Variants in H1-5 observed in about 807,000 individuals in gnomAD.
H1-5 encodes histone H1.5.
Under a neutral mutation model 4.6 loss-of-function variants are expected in H1-5, and 3 were observed. That is an observed-to-expected ratio of 0.65 (90% CI 0.30 to 1.68). The LOEUF is 1.68. Among genes scored for constraint, H1-5 ranks in the 40% most tolerant of loss-of-function variants. The probability of loss-of-function intolerance (pLI) is 0.10; values close to 1 mark genes in which losing one functional copy is unlikely to be tolerated. For missense variants in H1-5, 521 were observed against 287.9 expected (o/e 1.81, Z -5.86); for synonymous variants, 250 against 123.4 (o/e 2.03, Z -6.80).
chr6:27,867,066 GTCT>G lies in H1-5; in HGVS notation c.461_463del (p.Lys154del), dbSNP rs745567232. ...CGCGGGCTTCTTCGCCTTCTTCGGA[GTCT>G]TCTTCACTGCCTTTTTCGCCCCTGC... On this transcript the variant is annotated inframe_deletion, in exon 1 of 1. Transcript: ENST00000331442. 34 of 1,613,652 alleles carry G rather than the reference GTCT, an allele frequency of 2.1e-5. No homozygotes were observed. The East Asian group carries it at 2.9e-4, about 14-fold the overall frequency.
At position 27,866,803 on chromosome 6, in the gene H1-5, G is replaced by T. The variant is rs1761517909; in HGVS notation, c.*46C>A. 3 of 1,488,726 alleles carry T rather than the reference G, an allele frequency of 2.0e-6. No individual in the cohort carries two copies. The highest frequency in any genetic ancestry group is 1.3e-5 in the South Asian group (1 of 75,502). 92.2% of individuals were successfully genotyped at this position (1,488,726 alleles called of 1,614,324 possible). A position where few individuals can be genotyped will look rare whatever the true frequency, so the allele number is the denominator to read the frequency against. On this transcript the variant is annotated 3_prime_UTR_variant, in exon 1 of 1. Transcript: ENST00000331442. ...TTTTTAGAGGTCTCTGGGTGGCTCT[G>T]AAAAGAGCCTTTGGGGCTTTGTTGC...
In H1-5 at chr6:27,867,085, T is replaced by G; in HGVS notation, c.445A>C (p.Lys149Gln). ...TTCGGAGTCTTCTTCACTGCCTTTT[T>G]CGCCCCTGCAGCCTTCTTGGCCTTC... The part of the protein sequence containing the change: ...PKKAKKAAGA[K>Q]KAVKKTPKKA... Residue 149 changes from lysine (K) to glutamine (Q), a missense_variant, in exon 1 of 1, where the codon AAA (lysine) becomes CAA (glutamine). By Grantham distance (53) the Lys-to-Gln change is moderately conservative. Coordinates refer to ENST00000331442, the MANE Select transcript of H1-5 (RefSeq NM_005322.3). 6.2e-7 allele frequency: 1 copy of G among 1,613,828 alleles called. No individual in the cohort carries two copies. The highest frequency in any genetic ancestry group is 8.5e-7 in the Non-Finnish European group (1 of 1,179,880).
rs1423795272 is a variant in H1-5 at position 27,867,362 on chromosome 6, C to T, written c.168G>A (p.Glu56=). The change falls in exon 1 of 1, where the codon GAG becomes GAA. Residue 56 remains glutamate, a synonymous_variant. Transcript: ENST00000331442. The part of the protein sequence containing the change: ...LITKAVAASK[E]RNGLSLAALK... ...GGGCTGCCAAAGAAAGGCCATTGCG[C>T]TCCTTAGAAGCAGCCACAGCCTTGG... is the stretch of plus-strand genomic sequence containing the variant. 6.2e-7 allele frequency: 1 copy of T among 1,614,254 alleles called. No individual in the cohort carries two copies. The highest frequency in any genetic ancestry group is 1.7e-5 in the Admixed American group (1 of 60,032).
chr6:27,867,577 A>C lies in H1-5; in HGVS notation c.-48T>G, dbSNP rs745593121. ...AGAATAAGCTCGAAATCTAAAGAGC[A>C]GGTTTTGCGTTGCTGCTATGCTCGG... On this transcript the variant is annotated 5_prime_UTR_variant, in exon 1 of 1. Transcript: ENST00000331442. The C allele has an allele frequency of 1.3e-6, 2 of 1,497,588 alleles. No individual in the cohort carries two copies. Among genetic ancestry groups the C allele is most frequent in the South Asian group, 2.7e-5 (2 of 73,020 alleles). 92.8% of individuals were successfully genotyped at this position (1,497,588 alleles called of 1,614,324 possible). A position where few individuals can be genotyped will look rare whatever the true frequency, so the allele number is the denominator to read the frequency against.
chr6:27,867,430 C>T lies in H1-5; in HGVS notation c.100G>A (p.Ala34Thr). ...ATKKAAGAGAAKRKATGPPVS... is the reference protein window; with the variant it reads ...ATKKAAGAGATKRKATGPPVS... ...GGGGGCCCCGTCGCTTTGCGCTTAG[C>T]AGCGCCGGCGCCGGCAGCCTTCTTA... is the stretch of plus-strand genomic sequence containing the variant. The change falls in exon 1 of 1, where the codon GCT (alanine) becomes ACT (threonine). Residue 34 changes from alanine (A) to threonine (T), a missense_variant. Ala to Thr is a moderately conservative substitution (Grantham distance 58). Transcript: ENST00000331442. 6.2e-7 allele frequency: 1 copy of T among 1,610,158 alleles called. No homozygotes were observed. Among genetic ancestry groups the T allele is most frequent in the South Asian group, 1.1e-5 (1 of 90,804 alleles).
Position 27,867,209 on chromosome 6 carries a change from G to C in H1-5, c.321C>G (p.Ser107=), listed in dbSNP as rs1761533056. Reference sequence around the variant, plus strand: ...AGGCCGCCTTCTTGTTGAGTTTAAAGGAGCCAGAAGCACCAGTGCCCTTGG... The same window carrying C: ...AGGCCGCCTTCTTGTTGAGTTTAAACGAGCCAGAAGCACCAGTGCCCTTGG... ...VQTKGTGASG[S]FKLNKKAASG... is the part of the protein sequence containing the mutation. Residue 107 remains serine (S), a synonymous_variant, in exon 1 of 1, where the codon TCC becomes TCG. Coordinates refer to ENST00000331442, the MANE Select transcript of H1-5 (RefSeq NM_005322.3). 3 of 1,614,242 alleles carry C rather than the reference G, an allele frequency of 1.9e-6. No individual in the cohort carries two copies. The highest frequency in any genetic ancestry group is 8.5e-7 in the Non-Finnish European group (1 of 1,180,044).
chr6:27,867,509 G>A lies in H1-5; in HGVS notation c.21C>T (p.Ala7=), dbSNP rs771909228. Reference sequence around the variant, plus strand: ...CCACCGGCGCTGGGGTGGCTGTCTCGGCAGGAGCGGTTTCCGACATGGTGG... The same window carrying A: ...CCACCGGCGCTGGGGTGGCTGTCTCAGCAGGAGCGGTTTCCGACATGGTGG... MSETAP[A]ETATPAPVEK... Residue 7 remains alanine (A), a synonymous_variant, in exon 1 of 1, where the codon GCC becomes GCT. Transcript: ENST00000331442. The A allele has an allele frequency of 9.7e-6, 15 of 1,551,880 alleles. No homozygotes were observed. The highest frequency in any genetic ancestry group is 1.2e-5 in the South Asian group (1 of 80,876).
chr6:27,867,029 G>A lies in H1-5; in HGVS notation c.501C>T (p.Val167=). 3 of 1,613,904 alleles carry A rather than the reference G, an allele frequency of 1.9e-6. No homozygotes were observed. Among genetic ancestry groups the A allele is most frequent in the South Asian group, 2.2e-5 (2 of 91,036 alleles). The change falls in exon 1 of 1, where the codon GTC becomes GTT. Residue 167 remains valine (V), a synonymous_variant. Transcript: ENST00000331442. ...TCTTAGGGCTCTTCGCCACCTTTTT[G>A]ACGCCAGCCGCCGCGGGCTTCTTCG... ...KKAKKPAAAG[V]KKVAKSPKKA...
Position 27,867,437 on chromosome 6 carries a change from G to C in H1-5, c.93C>G (p.Ala31=), listed in dbSNP as rs1010989570. The change falls in exon 1 of 1, where the codon GCC becomes GCG. Residue 31 remains alanine (A), a synonymous_variant. Transcript: ENST00000331442. ...KKKATKKAAG[A]GAAKRKATGP... is the part of the protein sequence containing the mutation. The stretch of plus-strand genomic sequence containing the variant: ...CCGTCGCTTTGCGCTTAGCAGCGCC[G>C]GCGCCGGCAGCCTTCTTAGTTGCCT... 2.5e-6 allele frequency: 4 copies of C among 1,609,748 alleles called. No homozygotes were observed. Among genetic ancestry groups the C allele is most frequent in the Non-Finnish European group, 3.4e-6 (4 of 1,178,132 alleles).
At position 27,867,481 on chromosome 6, in the gene H1-5, T is replaced by G; in HGVS notation, c.49A>C (p.Lys17Gln). Residue 17 changes from lysine (K) to glutamine (Q), a missense_variant, in exon 1 of 1, where the codon AAA (lysine) becomes CAA (glutamine). Physicochemically the swap from Lys to Gln is moderately conservative, Grantham distance 53. Transcript: ENST00000331442. ...AETATPAPVE[K>Q]SPAKKKATKK... ...GTTGCCTTCTTCTTAGCCGGGGATT[T>G]CTCCACCGGCGCTGGGGTGGCTGTC... is the stretch of plus-strand genomic sequence containing the variant. The G allele has an allele frequency of 1.3e-6, 2 of 1,585,688 alleles. No homozygotes were observed. Among genetic ancestry groups the G allele is most frequent in the Non-Finnish European group, 1.7e-6 (2 of 1,168,336 alleles).
In H1-5 at chr6:27,867,044, G is replaced by A. The variant is rs141210758; in HGVS notation, c.486C>T (p.Pro162=). Residue 162 remains proline (P), a synonymous_variant, in exon 1 of 1, where the codon CCC becomes CCT. Transcript: ENST00000331442. ...VKKTPKKAKK[P]AAAGVKKVAK... is the part of the protein sequence containing the mutation. ...CCACCTTTTTGACGCCAGCCGCCGCGGGCTTCTTCGCCTTCTTCGGAGTCT... is the reference window on the plus strand; with the variant it reads ...CCACCTTTTTGACGCCAGCCGCCGCAGGCTTCTTCGCCTTCTTCGGAGTCT... 3.4e-5 allele frequency: 55 copies of A among 1,613,728 alleles called. No homozygotes were observed. Among genetic ancestry groups the A allele is most frequent in the African/African-American group, 1.3e-5 (1 of 74,842 alleles).
rs1411789695 is a variant in H1-5, at chr6:27,867,238, G to A, written c.292C>T (p.Gln98Ter). ...KSLVSKGTLV[Q>*]TKGTGASGSF... ...CCAGAAGCACCAGTGCCCTTGGTCT[G>A]CACCAGGGTGCCCTTGCTCACCAAG... The change falls in exon 1 of 1, where the codon CAG (glutamine) becomes TAG (stop). Residue 98 changes from glutamine (Q) to a stop codon, truncating the protein, a stop_gained. Transcript: ENST00000331442. LOFTEE classifies it high-confidence loss of function. The A allele has an allele frequency of 6.2e-7, 1 of 1,614,244 alleles. No homozygotes were observed. Among genetic ancestry groups the A allele is most frequent in the Non-Finnish European group, 8.5e-7 (1 of 1,180,030 alleles).
chr6:27,867,046 GCTT>G lies in H1-5; in HGVS notation c.481_483del (p.Lys161del), dbSNP rs1761526690. ...ACCTTTTTGACGCCAGCCGCCGCGG[GCTT>G]CTTCGCCTTCTTCGGAGTCTTCTTC... is the stretch of plus-strand genomic sequence containing the variant. On this transcript the variant is annotated inframe_deletion, in exon 1 of 1. Coordinates refer to ENST00000331442, the MANE Select transcript of H1-5 (RefSeq NM_005322.3). 1 of 1,613,866 alleles carries G rather than the reference GCTT, an allele frequency of 6.2e-7. No individual in the cohort carries two copies. The highest frequency in any genetic ancestry group is 1.1e-5 in the South Asian group (1 of 90,992).
chr6:27,867,273 C>A lies in H1-5; in HGVS notation c.257G>T (p.Gly86Val), dbSNP rs958096853. The change falls in exon 1 of 1, where the codon GGC becomes GTC. Residue 86 changes from glycine to valine, a missense_variant. By Grantham distance (109) the Gly-to-Val change is moderately radical. Transcript: ENST00000331442. ...VEKNNSRIKL[G>V]LKSLVSKGTL... ...GCCCTTGCTCACCAAGCTCTTGAGG[C>A]CCAGCTTAATGCGGCTGTTATTCTT... is the stretch of plus-strand genomic sequence containing the variant. 3 of 1,614,252 alleles carry A rather than the reference C, an allele frequency of 1.9e-6. No individual in the cohort carries two copies. Among genetic ancestry groups the A allele is most frequent in the Non-Finnish European group, 2.5e-6 (3 of 1,180,050 alleles).
Position 27,866,973 on chromosome 6 carries a change from G to C in H1-5, c.557C>G (p.Ala186Gly). 6.2e-7 allele frequency: 1 copy of C among 1,614,206 alleles called. No individual in the cohort carries two copies. The highest frequency in any genetic ancestry group is 2.2e-5 in the East Asian group (1 of 44,870). Residue 186 changes from alanine (A) to glycine (G), a missense_variant, in exon 1 of 1, where the codon GCA becomes GGA. Physicochemically the swap from Ala to Gly is moderately conservative, Grantham distance 60. Transcript: ENST00000331442. ...CTTGGGCTTGGCAGGACTCTTGGTT[G>C]CCTTTTTCGGTTTGGCAGCGGCCTT... is the stretch of plus-strand genomic sequence containing the variant. Reference protein sequence around the residue: ...KAKAAAKPKKATKSPAKPKAV... With the variant: ...KAKAAAKPKKGTKSPAKPKAV...
rs755451457 is a variant in H1-5 at position 27,866,913 on chromosome 6, G to C, written c.617C>G (p.Ala206Gly). Reference protein sequence around the residue: ...VKPKAAKPKAAKPKAAKPKAA... With the variant: ...VKPKAAKPKAGKPKAAKPKAA... The stretch of plus-strand genomic sequence containing the variant: ...TTTAGGTTTTGCTGCTTTGGGCTTA[G>C]CGGCTTTGGGCTTTGCCGCCTTCGG... Residue 206 changes from alanine (A) to glycine (G), a missense_variant, in exon 1 of 1, where the codon GCT becomes GGT. Ala to Gly is a moderately conservative substitution (Grantham distance 60). Coordinates refer to ENST00000331442, the MANE Select transcript of H1-5 (RefSeq NM_005322.3). 1 of 1,612,998 alleles carries C rather than the reference G, an allele frequency of 6.2e-7. No individual in the cohort carries two copies. The highest frequency in any genetic ancestry group is 8.5e-7 in the Non-Finnish European group (1 of 1,179,638).
chr6:27,866,868 G>A lies in H1-5; in HGVS notation c.662C>T (p.Ala221Val), dbSNP rs748484962. The A allele has an allele frequency of 6.9e-6, 11 of 1,589,652 alleles. No homozygotes were observed. Among genetic ancestry groups the A allele is most frequent in the African/African-American group, 2.7e-5 (2 of 72,978 alleles). ...AKPKAAKAKK[A>V]AAKKK ...AGCTTCCTACTTCTTTTTGGCAGCC[G>A]CCTTCTTGGCCTTTGCAGCTTTAGG... Residue 221 changes from alanine (A) to valine (V), a missense_variant, in exon 1 of 1, where the codon GCG becomes GTG. Physicochemically the swap from Ala to Val is moderately conservative, Grantham distance 64. Coordinates refer to ENST00000331442, the MANE Select transcript of H1-5 (RefSeq NM_005322.3).
At position 27,867,249 on chromosome 6, in the gene H1-5, C is replaced by T; in HGVS notation, c.281G>A (p.Gly94Asp). The T allele has an allele frequency of 1.9e-6, 3 of 1,614,244 alleles. No homozygotes were observed. The highest frequency in any genetic ancestry group is 1.3e-5 in the African/African-American group (1 of 75,070). ...KLGLKSLVSK[G>D]TLVQTKGTGA... ...AGTGCCCTTGGTCTGCACCAGGGTGCCCTTGCTCACCAAGCTCTTGAGGCC... is the reference window on the plus strand; with the variant it reads ...AGTGCCCTTGGTCTGCACCAGGGTGTCCTTGCTCACCAAGCTCTTGAGGCC... Residue 94 changes from glycine to aspartate, a missense_variant, in exon 1 of 1, where the codon GGC becomes GAC. Coordinates refer to ENST00000331442, the MANE Select transcript of H1-5 (RefSeq NM_005322.3).
rs1241466922 is a variant in H1-5 at position 27,866,805 on chromosome 6, A to G, written c.*44T>C. On this transcript the variant is annotated 3_prime_UTR_variant, in exon 1 of 1. Transcript: ENST00000331442. Reference sequence around the variant, plus strand: ...TTTAGAGGTCTCTGGGTGGCTCTGAAAAGAGCCTTTGGGGCTTTGTTGCGG... The same window carrying G: ...TTTAGAGGTCTCTGGGTGGCTCTGAGAAGAGCCTTTGGGGCTTTGTTGCGG... The G allele has an allele frequency of 2.0e-6, 3 of 1,498,158 alleles. No individual in the cohort carries two copies. The highest frequency in any genetic ancestry group is 2.6e-5 in the South Asian group (2 of 76,258). The allele number at this position is 1,498,158 out of a possible 1,614,324, so 92.8% of individuals were successfully genotyped here. A position where few individuals can be genotyped will look rare whatever the true frequency, so the allele number is the denominator to read the frequency against.
Sources: gnomAD v4.1 joint callset for allele counts on GRCh38, gnomAD v4.1.1 for gene constraint, MANE v1.5 for transcripts, NCBI Gene and HGNC (gene_info 2026-07-23, HGNC 2026-07-21) for gene names.